Variants in SEMA4G observed in about 807,000 individuals in gnomAD.
SEMA4G encodes semaphorin 4G.
A neutral mutation model predicts 81.2 loss-of-function variants in SEMA4G; 59 were observed. The ratio of observed to expected loss-of-function variants is 0.73; its 90% CI spans 0.59 to 0.90. The LOEUF (loss-of-function observed/expected upper bound fraction) is 0.90, where lower values mean the gene tolerates loss of function less well. Among genes scored for constraint, SEMA4G ranks in the 40% least tolerant of loss-of-function variants. The pLI is 0.00. For synonymous variants in SEMA4G, 404 were observed against 433.9 expected (o/e 0.93, Z 0.86); for missense variants, 952 against 1,102.3 (o/e 0.86, Z 1.93).
intron 3 of SEMA4G, among the ~76,000 whole-genome samples, chr10:100,976,199 T>A (rs1850775834): frequency 6.6e-6 from 1 of 151,422 alleles, no homozygotes; most frequent in Admixed American, 6.6e-5. Flanking sequence ...GGCAAAGGAG[T>A]CAAGAGGCTG....
In SEMA4G at chr10:100,977,627, C is replaced by T; in HGVS notation, c.337-5C>T. 1 of 1,613,354 alleles carries T rather than the reference C, an allele frequency of 6.2e-7. No homozygotes were observed. The highest frequency in any genetic ancestry group is 8.5e-7 in the Non-Finnish European group (1 of 1,179,320). ...GCTCACAGCCCTCTCCACCTCATCCCACAGACGGAGTGCTTTAACCATGTG... is the reference window on the plus strand; with the variant it reads ...GCTCACAGCCCTCTCCACCTCATCCTACAGACGGAGTGCTTTAACCATGTG... On this transcript the variant is annotated splice_region_variant and splice_polypyrimidine_tract_variant and intron_variant, in intron 3 of 13. Transcript: ENST00000370250.
exon 14 of SEMA4G, chr10:100,984,131 A>C: frequency 6.2e-7 from 1 of 1,604,920 alleles, no homozygotes; most frequent in South Asian, 1.1e-5. Flanking sequence ...GCTCTGTCTG[A>C]GCCCAGCCTC....
At chr10:100,982,995 C>T (rs1457655888) in intron 13 of SEMA4G, among the ~76,000 whole-genome samples, 1 of 152,128 alleles carries the variant, frequency 6.6e-6, no homozygotes, top group Non-Finnish European at 1.5e-5. Context: ...GGTAGATATC[C>T]GAGTCTGGCA....
intron 13 of SEMA4G, among the ~76,000 whole-genome samples, chr10:100,982,364 G>C (rs1048627300): frequency 2.0e-5 from 3 of 152,242 alleles, no homozygotes; most frequent in Non-Finnish European, 4.4e-5. Flanking sequence ...GGCATGATCA[G>C]ATTTGTGTTT....
In SEMA4G at chr10:100,973,775, A is replaced by ATT. The variant is rs200303442; in HGVS notation, c.336+178_336+179dup. Reference sequence around the variant, plus strand: ...CAGAGTGGCAAGCCATGGGCACAGCATTTTTTTTTTTTTCTTTTTTTGAGG... The same window carrying ATT: ...CAGAGTGGCAAGCCATGGGCACAGCATTTTTTTTTTTTTTTCTTTTTTTGAGG... On this transcript the variant is annotated intron_variant, in intron 3 of 13. Transcript: ENST00000370250. The surrounding 1 kb of genome is among the most constrained non-coding windows in gnomAD (Gnocchi z 5.5). Among the ~76,000 whole-genome samples the ATT allele has an allele frequency of 2.0e-4, 29 of 145,602 alleles. No individual in the cohort carries two copies. The highest frequency in any genetic ancestry group is 7.0e-4 in the African/African-American group (28 of 39,886).
intron 13 of SEMA4G, chr10:100,981,644 C>A (rs1851081556): frequency 1.4e-6 from 2 of 1,395,854 alleles, no homozygotes. Context: ...ATGTCATCTA[C>A]TGTCACAGCA....
chr10:100,971,519 A>G (rs1564791313), upstream of SEMA4G, among the ~76,000 whole-genome samples: 1 of 152,136 alleles, frequency 6.6e-6, no homozygotes, highest in Non-Finnish European at 1.5e-5. Flanking sequence ...CCCTCTGGCC[A>G]GTTCCTGATT....
chr10:100,969,648 G>A (rs945036360), upstream of SEMA4G: 1 of 324,020 alleles, frequency 3.1e-6, no homozygotes, highest in Non-Finnish European at 6.3e-6. Flanking sequence ...GCTGCGGGCC[G>A]GGGGTCGGGC....
chr10:100,984,489 G>A (rs1427851024), exon 14 of SEMA4G: 2 of 1,533,072 alleles, frequency 1.3e-6, no homozygotes, highest in South Asian at 1.2e-5. Flanking sequence ...CTTTCTCCCA[G>A]GCAGGGCTCT....
In SEMA4G at chr10:100,972,962, C is replaced by A. The variant is rs768000743; in HGVS notation, c.50C>A (p.Ala17Glu). 2.1e-5 allele frequency: 34 copies of A among 1,613,606 alleles called. No individual in the cohort carries two copies. The South Asian group carries it at 3.7e-4, about 18-fold the overall frequency. The change falls in exon 1 of 14, where the codon GCA becomes GAA. Residue 17 changes from alanine to glutamate, a missense_variant. Around this residue, in one of 3 missense-constraint regions of SEMA4G, gnomAD observed 436 missense variants for 488.2 expected, o/e 0.89. Coordinates refer to ENST00000370250, the Ensembl canonical transcript of SEMA4G. ...CTCCTCAGCATCCTCACAGCAACTG[C>A]AGTCCCAGGACCCTCACTGCGGAGA...
chr10:100,978,633 G>T, exon 6 of SEMA4G: 1 of 1,613,202 alleles, frequency 6.2e-7, no homozygotes, highest in Non-Finnish European at 8.5e-7. Context: ...CAATGCATTG[G>T]CTCAATGGTT....
intron 13 of SEMA4G, among the ~76,000 whole-genome samples, chr10:100,982,927 G>A (rs1041583683): frequency 2.6e-5 from 4 of 152,268 alleles, no homozygotes; most frequent in Non-Finnish European, 4.4e-5. Context: ...TGTCGTTGGG[G>A]AGAAAAGCTT....
chr10:100,978,428 T>C (rs377441953), intron 5 of SEMA4G, 40 bp downstream of exon 6: 124 of 1,605,854 alleles, frequency 7.7e-5, no homozygotes, highest in Non-Finnish European at 1.0e-4. Flanking sequence ...ATGGTATTTT[T>C]AGGATGTGGA....
At chr10:100,978,496 G>C in intron 5 of SEMA4G, 31 bp from the exon 7 acceptor site, 3 of 1,605,226 alleles carry the variant, frequency 1.9e-6, no homozygotes, top group Non-Finnish European at 1.7e-6. Flanking sequence ...AATATGACAT[G>C]TCTCTCATGC....
upstream of SEMA4G, among the ~76,000 whole-genome samples, chr10:100,970,887 T>C (rs1412396594): frequency 6.6e-6 from 1 of 152,196 alleles, no homozygotes; most frequent in Non-Finnish European, 1.5e-5. Flanking sequence ...GTTGAATAGG[T>C]GCACAGTCCT....
rs772276335 is a variant in SEMA4G, at chr10:100,977,619, C to T, written c.337-13C>T. ...GGCAGGGGGCTCACAGCCCTCTCCA[C>T]CTCATCCCACAGACGGAGTGCTTTA... On this transcript the variant is annotated splice_polypyrimidine_tract_variant and intron_variant, in intron 3 of 13. Transcript: ENST00000370250. 1 of 1,611,630 alleles carries T rather than the reference C, an allele frequency of 6.2e-7. No individual in the cohort carries two copies. Among genetic ancestry groups the T allele is most frequent in the South Asian group, 1.1e-5 (1 of 91,060 alleles).
exon 9 of SEMA4G, chr10:100,979,962 G>C (rs577628245): frequency 1.2e-6 from 2 of 1,614,114 alleles, no homozygotes; most frequent in African/African-American, 1.3e-5. Flanking sequence ...GTCGCTATGA[G>C]GGTGGGGTGC....
intron 3 of SEMA4G, among the ~76,000 whole-genome samples, chr10:100,974,286 C>T (rs1589979760): frequency 6.6e-6 from 1 of 151,640 alleles, no homozygotes; most frequent in Non-Finnish European, 1.5e-5. Flanking sequence ...GGCAACACAG[C>T]GAGATCTGTC....
chr10:100,973,224 G>A lies in SEMA4G; in HGVS notation c.220G>A (p.Gly74Ser). 1 of 1,613,542 alleles carries A rather than the reference G, an allele frequency of 6.2e-7. No individual in the cohort carries two copies. The highest frequency in any genetic ancestry group is 8.5e-7 in the Non-Finnish European group (1 of 1,180,022). ...AGCAAGGCTGCTGGTGGGAGCCCGAGGTGCCCTGTTCTCTCTCAGTGCCAA... is the reference window on the plus strand; with the variant it reads ...AGCAAGGCTGCTGGTGGGAGCCCGAAGTGCCCTGTTCTCTCTCAGTGCCAA... Residue 74 changes from glycine (G) to serine (S), a missense_variant, in exon 2 of 14, where the codon GGT becomes AGT. Gly to Ser is a moderately conservative substitution (Grantham distance 56). Coordinates refer to ENST00000370250, the Ensembl canonical transcript of SEMA4G. The surrounding 1 kb of genome is among the most constrained non-coding windows in gnomAD (Gnocchi z 5.5).
Sources: gnomAD v4.1 joint callset for allele counts (sites outside exome capture counted in the v4.1 genomes callset) on GRCh38, gnomAD v4.1.1 for gene constraint, gnomAD v4.1.1 regional missense constraint, Gnocchi (gnomAD v3.1) non-coding constraint, MANE v1.5 for transcripts, NCBI Gene and HGNC (gene_info 2026-07-23, HGNC 2026-07-21) for gene names.